Variants in MS4A5 observed in about 807,000 individuals in gnomAD.
MS4A5 encodes the protein membrane-spanning 4-domains subfamily A member 5.
Under a neutral mutation model 18.2 loss-of-function variants are expected in MS4A5, and 15 were observed. That is an observed-to-expected ratio of 0.83 (90% CI 0.55 to 1.27). The LOEUF (loss-of-function observed/expected upper bound fraction) is 1.27. Among genes scored for constraint, MS4A5 ranks in the 50% most tolerant of loss-of-function variants. The pLI is 0.00. For missense variants in MS4A5, 232 were observed against 225.7 expected (o/e 1.03, Z -0.18); for synonymous variants, 89 against 78.7 (o/e 1.13, Z -0.69).
chr11:60,446,864 TTA>T (rs140954312), intron 4 of MS4A5, among the ~76,000 whole-genome samples: 8,005 of 152,290 alleles, frequency 0.053, 279 homozygotes, highest in South Asian at 0.16. Context: ...TTTTCTATTT[TTA>T]GTTCTTTTTC....
At chr11:60,432,731 G>A (rs1024373308) in intron 3 of MS4A5, among the ~76,000 whole-genome samples, 2 of 148,472 alleles carry the variant, frequency 1.3e-5, no homozygotes, top group East Asian at 4.0e-4. Flanking sequence ...GTTGCAAGGA[G>A]CCGAGATCGT....
chr11:60,435,371 G>C, intron 4 of MS4A5: 1 of 443,874 alleles, frequency 2.3e-6, no homozygotes, highest in Non-Finnish European at 4.5e-6. Context: ...TATATTAGAA[G>C]AGATTTTAAA....
chr11:60,432,135 A>C (rs1027710760), intron 2 of MS4A5, among the ~76,000 whole-genome samples: 43 of 152,214 alleles, frequency 2.8e-4, no homozygotes, highest in African/African-American at 1.0e-3. Flanking sequence ...AATAGCTATA[A>C]AAAGAACATG....
At chr11:60,432,007 A>AC (rs1354845346) in intron 2 of MS4A5, among the ~76,000 whole-genome samples, 2 of 96,364 alleles carry the variant, frequency 2.1e-5, no homozygotes, top group African/African-American at 6.5e-5. Flanking sequence ...ATTCACTGCA[A>AC]CCCCACCTTA....
intron 2 of MS4A5, 83 bp downstream of exon 2, chr11:60,431,007 C>A: frequency 6.7e-7 from 1 of 1,482,894 alleles, no homozygotes; most frequent in Non-Finnish European, 9.1e-7. Flanking sequence ...AAGCTAGATC[C>A]AGTTGTATGA....
At chr11:60,441,236 A>G (rs1565188597) in intron 4 of MS4A5, among the ~76,000 whole-genome samples, 2 of 137,368 alleles carry the variant, frequency 1.5e-5, no homozygotes, top group South Asian at 4.9e-4. Context: ...ATGAGATCAC[A>G]TGGACACAGG....
chr11:60,444,690 G>A (rs1172557472), intron 4 of MS4A5, among the ~76,000 whole-genome samples: 2 of 152,104 alleles, frequency 1.3e-5, no homozygotes, highest in Admixed American at 6.5e-5. Context: ...TCAGATAAAT[G>A]CAAATTAAAA....
chr11:60,433,733 A>T, intron 3 of MS4A5, 32 bp from the exon 4 acceptor site: 1 of 1,607,284 alleles, frequency 6.2e-7, no homozygotes, highest in African/African-American at 1.3e-5. Context: ...GCTGGACCTC[A>T]GTCACATTGT....
chr11:60,442,757 T>C (rs951744942), intron 4 of MS4A5, among the ~76,000 whole-genome samples: 2 of 152,162 alleles, frequency 1.3e-5, no homozygotes, highest in Non-Finnish European at 2.9e-5. Context: ...CTGATGGAAG[T>C]GATAAGACAA....
rs552131847 is a variant in MS4A5 at position 60,446,165 on chromosome 11, A to C, written c.493-1484A>C. ...GAATAAATGAATGATGACAAACTAC[A>C]CCATGAAATATTAAGTGGCCATTAA... On this transcript the variant is annotated intron_variant, in intron 4 of 4. Transcript: ENST00000300190. 1.1e-4 allele frequency among the ~76,000 whole-genome samples: 17 copies of C among 152,342 alleles called. No homozygotes were observed. The East Asian group carries it at 3.3e-3, about 29-fold the overall frequency.
chr11:60,431,058 A>G, intron 2 of MS4A5, 134 bp downstream of exon 2: 1 of 895,436 alleles, frequency 1.1e-6, no homozygotes, highest in Non-Finnish European at 1.7e-6. Flanking sequence ...TGTTGAAATT[A>G]TTTCCCCATT....
intron 4 of MS4A5, among the ~76,000 whole-genome samples, chr11:60,437,455 C>A (rs914737299): frequency 6.6e-6 from 1 of 151,826 alleles, no homozygotes; most frequent in Non-Finnish European, 1.5e-5. Flanking sequence ...ACTAAATGCT[C>A]CAATTAATAG....
At chr11:60,447,104 T>C (rs2086142963) in intron 4 of MS4A5, among the ~76,000 whole-genome samples, 1 of 149,648 alleles carries the variant, frequency 6.7e-6, no homozygotes, top group Admixed American at 6.6e-5. Flanking sequence ...TGCTATGCTA[T>C]GTTAGCTATC....
chr11:60,430,752 A>G (rs754594645), intron 1 of MS4A5, 44 bp from the exon 2 acceptor site: 3 of 1,600,960 alleles, frequency 1.9e-6, no homozygotes, highest in Non-Finnish European at 2.5e-6. Context: ...AAGGGAAACT[A>G]TCACTTTGCT....
At chr11:60,443,309 G>T (rs974626595) in intron 4 of MS4A5, among the ~76,000 whole-genome samples, 2 of 151,678 alleles carry the variant, frequency 1.3e-5, no homozygotes, top group African/African-American at 4.8e-5. Context: ...TGAAAACAAT[G>T]GAATTGAATT....
intron 1 of MS4A5, 107 bp from the exon 2 acceptor site, chr11:60,430,689 C>A: frequency 7.7e-7 from 1 of 1,293,576 alleles, no homozygotes; most frequent in Non-Finnish European, 1.1e-6. Flanking sequence ...CCCCTAATTA[C>A]CAAAGAGAGT....
In MS4A5 at chr11:60,432,427, C is replaced by A; in HGVS notation, c.299C>A (p.Ala100Asp). ...TCTTAACAGTTCATTAATTCTGGAG[C>A]CTTCCTAATTGCAGTGAAAAGAAAA... ...WGSVLFINSG[A>D]FLIAVKRKTT... is the part of the protein sequence containing the mutation. The change falls in exon 3 of 5, where the codon GCC becomes GAC. Residue 100 changes from alanine to aspartate, a missense_variant. Transcript: ENST00000300190. 1.3e-6 allele frequency: 2 copies of A among 1,590,902 alleles called. No homozygotes were observed. Among genetic ancestry groups the A allele is most frequent in the Non-Finnish European group, 1.7e-6 (2 of 1,161,452 alleles).
intron 4 of MS4A5, among the ~76,000 whole-genome samples, chr11:60,434,662 C>A (rs985832772): frequency 6.6e-6 from 1 of 152,130 alleles, no homozygotes; most frequent in African/African-American, 2.4e-5. Context: ...AACAAAACAA[C>A]CTTAAAGACA....
chr11:60,443,883 C>T (rs983755597), intron 4 of MS4A5, among the ~76,000 whole-genome samples: 6 of 152,224 alleles, frequency 3.9e-5, no homozygotes, highest in African/African-American at 1.4e-4. Context: ...ATAAAACCTA[C>T]CTACCAAAAC....
Sources: gnomAD v4.1 joint callset for allele counts (sites outside exome capture counted in the v4.1 genomes callset) on GRCh38, gnomAD v4.1.1 for gene constraint, MANE v1.5 for transcripts, NCBI Gene and HGNC (gene_info 2026-07-23, HGNC 2026-07-21) for gene names.